Variants in DMD observed in about 807,000 individuals in gnomAD.
DMD encodes mutant dystrophin.
DMD carries 63 observed loss-of-function variants against 330.1 expected under a neutral mutation model. That is an observed-to-expected ratio of 0.19 (90% CI 0.16 to 0.24). The LOEUF is 0.24. Ranked by LOEUF, DMD falls within the 10% of genes least tolerant of loss-of-function variation. The probability of loss-of-function intolerance (pLI) is 1.00; values close to 1 mark genes in which losing one functional copy is unlikely to be tolerated. For synonymous variants in DMD, 1,223 were observed against 959.8 expected, an observed-to-expected ratio of 1.27 and a Z score of -5.07; for missense variants, 3,344 against 2,684.1, an observed-to-expected ratio of 1.25 and a Z score of -5.43.
At chrX:31,933,504 T>A (rs2094885195) in intron 45 of DMD, among the ~76,000 whole-genome samples, 1 of 77,007 alleles carries the variant, frequency 1.3e-5, no homozygotes, top group Admixed American at 1.2e-4. Context: ...TTAAAATAAT[T>A]GAAAATTTTT....
At chrX:31,582,815 G>T (rs2076401443) in intron 55 of DMD, among the ~76,000 whole-genome samples, 1 of 111,727 alleles carries the variant, frequency 9.0e-6, no homozygotes, top group African/African-American at 3.3e-5. Flanking sequence ...AAACCATAGA[G>T]AATCATAGAG....
At chrX:31,414,306 C>T (rs1041022579) in intron 60 of DMD, among the ~76,000 whole-genome samples, 1 of 111,811 alleles carries the variant, frequency 8.9e-6, no homozygotes, top group Non-Finnish European at 1.9e-5. Flanking sequence ...TGAGCCACTG[C>T]ACCCGGCCCC....
At chrX:32,180,570 A>G (rs2096923856) in intron 44 of DMD, among the ~76,000 whole-genome samples, 1 of 111,431 alleles carries the variant, frequency 9.0e-6, no homozygotes, top group African/African-American at 3.3e-5. Flanking sequence ...TTCAAGCATC[A>G]CTGTGACTTC....
At chrX:32,481,169 C>T (rs932511283) in intron 21 of DMD, among the ~76,000 whole-genome samples, 2 of 110,409 alleles carry the variant, frequency 1.8e-5, no homozygotes, top group East Asian at 2.9e-4. Context: ...TTTTCTTCTA[C>T]TGTCTCTGTA....
chrX:32,133,258 G>A lies in DMD; in HGVS notation c.6438+83658C>T, dbSNP rs188623801. 6.3e-4 allele frequency among the ~76,000 whole-genome samples: 69 copies of A among 109,485 alleles called. No homozygotes were observed. The East Asian group carries it at 0.014, about 22-fold the overall frequency. ...CCTGACCTCGTGATCTGCCCGCCTC[G>A]GCCTCCCAAAGTACTAGGATTACAG... On this transcript the variant is annotated intron_variant, in intron 44 of 78. Coordinates refer to ENST00000357033, the MANE Select transcript of DMD (RefSeq NM_004006.3).
chrX:32,191,970 G>A (rs2096978063), intron 44 of DMD, among the ~76,000 whole-genome samples: 1 of 111,929 alleles, frequency 8.9e-6, no homozygotes, highest in Non-Finnish European at 1.9e-5. Context: ...AAACATTACA[G>A]TTAAAACTGA....
At chrX:33,140,946 G>A (rs1350296150) in intron 1 of DMD, among the ~76,000 whole-genome samples, 2 of 111,704 alleles carry the variant, frequency 1.8e-5, no homozygotes, top group Non-Finnish European at 3.8e-5. Context: ...ATACGTGTGT[G>A]TATATATATA....
At chrX:33,082,360 G>T (rs34605504) in intron 1 of DMD, among the ~76,000 whole-genome samples, 63 of 112,247 alleles carry the variant, frequency 5.6e-4, no homozygotes, top group Non-Finnish European at 9.4e-4. Context: ...GTGCTGCAAA[G>T]ACATAGTAAG....
At chrX:32,777,435 C>G (rs1168774321) in intron 7 of DMD, among the ~76,000 whole-genome samples, 2 of 109,764 alleles carry the variant, frequency 1.8e-5, no homozygotes, top group Non-Finnish European at 3.8e-5. Flanking sequence ...AACCTCAAAG[C>G]AAAAATTTTA....
At position 32,343,256 on chromosome X, in the gene DMD, G is replaced by C. The variant is rs769637913; in HGVS notation, c.5617C>G (p.Leu1873Val). 5.8e-6 allele frequency: 7 copies of C among 1,206,424 alleles called. No individual in the cohort carries two copies. The highest frequency in any genetic ancestry group is 4.4e-5 in the Admixed American group (2 of 45,544). ...TGATACCACTGATGAGAAATTTCTA[G>C]AGCCTTTTTTCTTCTTTGAGACCTC... Reference protein sequence around the residue: ...DLRSQRRKKALEISHQWYQYK... With the variant: ...DLRSQRRKKAVEISHQWYQYK... The change falls in exon 40 of 79, where the codon CTA becomes GTA. Residue 1873 changes from leucine to valine, a missense_variant. Transcript: ENST00000357033.
chrX:32,088,730 T>G lies in DMD; in HGVS notation c.6439-120216A>C, dbSNP rs1351420309. 4.6e-5 allele frequency among the ~76,000 whole-genome samples: 5 copies of G among 107,656 alleles called. No homozygotes were observed. In the South Asian group the frequency reaches 1.6e-3, roughly 35 times the overall value. The allele number at this position is 107,656 out of a possible 115,157, so 93.5% of individuals were successfully genotyped here. On this transcript the variant is annotated intron_variant, in intron 44 of 78. Transcript: ENST00000357033. ...TGTGTGAAAACAGAAGTTCCATAAT[T>G]AATAATCTACTATGTGCCAAATACT... is the stretch of plus-strand genomic sequence containing the variant.
At chrX:31,467,276 A>G (rs139557048) in intron 59 of DMD, among the ~76,000 whole-genome samples, 2,703 of 111,476 alleles carry the variant, frequency 0.024, 56 homozygotes, top group African/African-American at 0.056. Flanking sequence ...GCTTTTGCCC[A>G]TTCAGTATGA....
intron 20 of DMD, among the ~76,000 whole-genome samples, chrX:32,485,910 A>AT (rs1209480779): frequency 2.8e-5 from 3 of 107,151 alleles, no homozygotes; most frequent in Admixed American, 1.0e-4. Flanking sequence ...TGTCCAGCAA[A>AT]TTTTTTTTAT....
rs139184307 is a variant in DMD, at chrX:32,284,817, C to A, written c.6290+2712G>T. 8.6e-3 allele frequency among the ~76,000 whole-genome samples: 963 copies of A among 112,177 alleles called. 10 individuals are homozygous for A. The highest frequency in any genetic ancestry group is 0.029 in the African/African-American group (886 of 30,834). The stretch of plus-strand genomic sequence containing the variant: ...GTACTAAAAGTCATAGGAAATTTAA[C>A]AGCTCCTGACCAATTCCTATAGAAT... On this transcript the variant is annotated intron_variant, in intron 43 of 78. Transcript: ENST00000357033.
intron 1 of DMD, among the ~76,000 whole-genome samples, chrX:33,325,411 T>C (rs778636993): frequency 8.9e-6 from 1 of 112,183 alleles, no homozygotes; most frequent in South Asian, 3.7e-4. Context: ...ACTTCTTTAT[T>C]AATTTTCTAA....
intron 67 of DMD, among the ~76,000 whole-genome samples, chrX:31,183,979 G>A (rs2041460275): frequency 9.3e-6 from 1 of 108,010 alleles, no homozygotes; most frequent in East Asian, 2.9e-4. Context: ...GCGTGATCTC[G>A]GCTCCTGCAA....
chrX:33,229,621 C>A (rs2052354702), intron 1 of DMD, among the ~76,000 whole-genome samples: 1 of 111,794 alleles, frequency 8.9e-6, no homozygotes, highest in African/African-American at 3.2e-5. Flanking sequence ...TTGAACTATG[C>A]GTCTATCTCT....
intron 37 of DMD, among the ~76,000 whole-genome samples, chrX:32,352,235 C>A (rs1383976166): frequency 9.0e-6 from 1 of 110,630 alleles, no homozygotes; most frequent in Admixed American, 9.7e-5. Context: ...CCTTTTCACA[C>A]AGACATTTTC....
chrX:31,416,279 G>A (rs967399349), intron 60 of DMD, among the ~76,000 whole-genome samples: 3 of 112,089 alleles, frequency 2.7e-5, no homozygotes, highest in African/African-American at 6.5e-5. Flanking sequence ...AATAGATATC[G>A]CAAATGTGTT....
Sources: gnomAD v4.1 joint callset for allele counts (sites outside exome capture counted in the v4.1 genomes callset) on GRCh38, gnomAD v4.1.1 for gene constraint, MANE v1.5 for transcripts, NCBI Gene and HGNC (gene_info 2026-07-23, HGNC 2026-07-21) for gene names.